Variants in UBE2K observed in about 807,000 individuals in gnomAD.
The protein encoded by UBE2K is ubiquitin-conjugating enzyme E2 K.
UBE2K carries 6 observed loss-of-function variants against 30.0 expected under a neutral mutation model. That is an observed-to-expected ratio of 0.20 (90% CI 0.11 to 0.39). UBE2K has a LOEUF of 0.39. UBE2K is among the 10% of genes least tolerant of loss of function. UBE2K has a pLI of 1.00. For missense variants in UBE2K, 61 were observed against 241.6 expected (o/e 0.25, Z 4.96); for synonymous variants, 86 against 83.7 (o/e 1.03, Z -0.15).
intron 1 of UBE2K, among the ~76,000 whole-genome samples, chr4:39,702,231 CTTT>C (rs564712672): frequency 1.2e-4 from 8 of 67,320 alleles, no homozygotes; most frequent in East Asian, 7.8e-4. Context: ...CTTTTCTTTT[CTTT>C]TTTTTTTTTT....
At chr4:39,745,896 T>G in intron 3 of UBE2K, 86 bp downstream of exon 3, 2 of 1,026,190 alleles carry the variant, frequency 1.9e-6, no homozygotes, top group Non-Finnish European at 2.8e-6. Context: ...TTAGGGCTTA[T>G]TAAAGTCACA....
chr4:39,742,558 GA>G (rs1720760327), intron 2 of UBE2K, among the ~76,000 whole-genome samples: 1 of 152,022 alleles, frequency 6.6e-6, no homozygotes, highest in South Asian at 2.1e-4. Context: ...CCAGCATGCT[GA>G]GACCCTGTCT....
intron 4 of UBE2K, among the ~76,000 whole-genome samples, chr4:39,759,057 A>G (rs1353979301): frequency 6.6e-6 from 1 of 152,204 alleles, no homozygotes; most frequent in African/African-American, 2.4e-5. Flanking sequence ...TATAATTGAC[A>G]TTTAGTGCAT....
intron 2 of UBE2K, among the ~76,000 whole-genome samples, chr4:39,744,808 G>A (rs1366241533): frequency 2.0e-5 from 3 of 151,486 alleles, no homozygotes; most frequent in African/African-American, 7.3e-5. Context: ...TTGGGAGGCT[G>A]AGGCAGGAGA....
intron 1 of UBE2K, among the ~76,000 whole-genome samples, chr4:39,727,816 A>G (rs1449997763): frequency 2.6e-5 from 4 of 151,416 alleles, no homozygotes; most frequent in African/African-American, 9.7e-5. Context: ...ACTGGCATAC[A>G]TTGAGATGTC....
At chr4:39,767,656 G>A (rs1232486571) in intron 4 of UBE2K, among the ~76,000 whole-genome samples, 1 of 152,066 alleles carries the variant, frequency 6.6e-6, no homozygotes, top group Non-Finnish European at 1.5e-5. Context: ...AGTGTTTATT[G>A]CCTTGTTGAG....
chr4:39,731,974 T>C (rs1720099287), intron 1 of UBE2K, among the ~76,000 whole-genome samples: 1 of 152,212 alleles, frequency 6.6e-6, no homozygotes, highest in Non-Finnish European at 1.5e-5. Flanking sequence ...ATTTGAGATT[T>C]GGATTTAAAT....
intron 2 of UBE2K, among the ~76,000 whole-genome samples, chr4:39,739,469 CAG>C (rs755645712): frequency 3.8e-4 from 41 of 107,200 alleles, no homozygotes; most frequent in Non-Finnish European, 6.3e-4. Flanking sequence ...TTTTGGGAGA[CAG>C]AGTCTTGCTC....
chr4:39,698,264 C>A lies in UBE2K; in HGVS notation c.-64C>A. On this transcript the variant is annotated 5_prime_UTR_variant, in exon 1 of 7. Coordinates refer to ENST00000261427, the MANE Select transcript of UBE2K (RefSeq NM_005339.5). ...GAGGAGGCGGTGGAGGAAGAGGTGG[C>A]GGCGGTGGCGGTGGTCGTAGCGGTG... 1 of 1,499,434 alleles carries A rather than the reference C, an allele frequency of 6.7e-7. No homozygotes were observed. The highest frequency in any genetic ancestry group is 9.2e-7 in the Non-Finnish European group (1 of 1,090,070). 92.9% of individuals were successfully genotyped at this position (1,499,434 alleles called of 1,614,324 possible). A position where few individuals can be genotyped will look rare whatever the true frequency, so the allele number is the denominator to read the frequency against.
chr4:39,703,435 C>T (rs1447480135), intron 1 of UBE2K, among the ~76,000 whole-genome samples: 2 of 151,992 alleles, frequency 1.3e-5, no homozygotes, highest in African/African-American at 4.8e-5. Flanking sequence ...GATGCTTGAG[C>T]CCATGAGGTC....
chr4:39,768,669 A>G (rs553240105), intron 4 of UBE2K, among the ~76,000 whole-genome samples: 5 of 152,076 alleles, frequency 3.3e-5, no homozygotes, highest in Non-Finnish European at 7.4e-5. Context: ...GGCATGAACC[A>G]CCGTGCCTGG....
chr4:39,706,162 C>G (rs922856870), intron 1 of UBE2K, among the ~76,000 whole-genome samples: 1 of 152,082 alleles, frequency 6.6e-6, no homozygotes, highest in Non-Finnish European at 1.5e-5. Flanking sequence ...CAGGCGTCCA[C>G]GACCACTCCC....
intron 4 of UBE2K, chr4:39,771,334 A>G: frequency 6.2e-7 from 1 of 1,612,588 alleles, no homozygotes; most frequent in Non-Finnish European, 8.5e-7. Flanking sequence ...CACAATGGTC[A>G]CGTCGCAGAA....
rs1713568907 is a variant in UBE2K, at chr4:39,780,823, A to G, written c.*2389A>G. On this transcript the variant is annotated 3_prime_UTR_variant, in exon 7 of 7. Coordinates refer to ENST00000261427, the MANE Select transcript of UBE2K (RefSeq NM_005339.5). ...CCTCTGGTCTTAAATATGTTTGGAC[A>G]AAAAGACACTAAAAGGTCAGGCCTA... 6.6e-6 allele frequency: 1 copy of G among 152,108 alleles called. No individual in the cohort carries two copies. The highest frequency in any genetic ancestry group is 2.4e-5 in the African/African-American group (1 of 41,430). The allele number at this position is 152,108 out of a possible 1,614,324, so 9.4% of individuals were successfully genotyped here. A position where few individuals can be genotyped will look rare whatever the true frequency, so the allele number is the denominator to read the frequency against.
intron 4 of UBE2K, among the ~76,000 whole-genome samples, chr4:39,771,938 T>G (rs1420741350): frequency 6.6e-6 from 1 of 152,134 alleles, no homozygotes; most frequent in Admixed American, 6.5e-5. Context: ...CCTCCCAGGT[T>G]CGAGCGATTC....
At chr4:39,757,467 TG>T (rs1245722932) in intron 4 of UBE2K, among the ~76,000 whole-genome samples, 1 of 48,388 alleles carries the variant, frequency 2.1e-5, no homozygotes, top group Non-Finnish European at 3.5e-5. Flanking sequence ...GGTTTTGTTT[TG>T]TTTTTTTTTT....
At chr4:39,735,780 T>C (rs1720344877) in intron 1 of UBE2K, among the ~76,000 whole-genome samples, 1 of 152,190 alleles carries the variant, frequency 6.6e-6, no homozygotes, top group Non-Finnish European at 1.5e-5. Flanking sequence ...TAGTTTCTTA[T>C]TGTACATATT....
chr4:39,764,982 C>T (rs1240468789), intron 4 of UBE2K, among the ~76,000 whole-genome samples: 1 of 151,730 alleles, frequency 6.6e-6, no homozygotes, highest in Non-Finnish European at 1.5e-5. Context: ...CGCCTCCTGG[C>T]CTCAGCCATT....
At chr4:39,732,196 A>G (rs78436531) in intron 1 of UBE2K, among the ~76,000 whole-genome samples, 10,536 of 152,258 alleles carry the variant, frequency 0.069, 478 homozygotes, top group South Asian at 0.15. Flanking sequence ...AGCGAACCCT[A>G]TGAGGAACTA....
Sources: allele counts gnomAD v4.1 joint callset (sites outside exome capture counted in the v4.1 genomes callset), GRCh38; gene constraint gnomAD v4.1.1; transcripts MANE v1.5; gene names NCBI Gene and HGNC (gene_info 2026-07-23, HGNC 2026-07-21).